The following ACOX2 variants were observed in gnomAD, a reference collection of about 807,000 sequenced individuals.
The protein encoded by ACOX2 is peroxisomal acyl-coenzyme A oxidase 2.
A neutral mutation model predicts 77.5 loss-of-function variants in ACOX2; 59 were observed. The observed-to-expected ratio is 0.76, with a 90% CI of 0.62 to 0.95. The LOEUF is 0.95. Among genes scored for constraint, ACOX2 ranks in the 40% least tolerant of loss-of-function variants. The probability of loss-of-function intolerance (pLI) is 0.00; values close to 1 mark genes in which losing one functional copy is unlikely to be tolerated. For synonymous variants in ACOX2, 317 were observed against 340.1 expected (o/e 0.93, Z 0.75); for missense variants, 837 against 880.4 (o/e 0.95, Z 0.62).
intron 13 of ACOX2, 107 bp from the exon 14 acceptor site, chr3:58,509,132 G>A (rs2063256905): frequency 6.7e-6 from 9 of 1,334,462 alleles, no homozygotes; most frequent in South Asian, 5.4e-5. Flanking sequence ...ATGATTATTC[G>A]CTTTTCAAAC....
Position 58,534,317 on chromosome 3 carries a change from C to A in ACOX2, c.323+43G>T. On this transcript the variant is annotated intron_variant, in intron 3 of 14. Transcript: ENST00000302819. The surrounding 1 kb of genome is among the most constrained non-coding windows in gnomAD (Gnocchi z 4.8). ...GGGCTAGGGGGTTTCCAGGTGATCCCAGGTAGATCCCTCTCTAGTGGGGCT... is the reference window on the plus strand; with the variant it reads ...GGGCTAGGGGGTTTCCAGGTGATCCAAGGTAGATCCCTCTCTAGTGGGGCT... The A allele has an allele frequency of 6.2e-7, 1 of 1,609,376 alleles. No individual in the cohort carries two copies. The highest frequency in any genetic ancestry group is 1.1e-5 in the South Asian group (1 of 90,516).
In ACOX2 at chr3:58,526,622, A is replaced by G. The variant is rs1167172630; in HGVS notation, c.1190T>C (p.Met397Thr). ...AGCTCCCTGGGTGCAGAATTCTGAC[A>G]TCATGGCCTTCATGCCCGTGCTCAG... ...HALSTGMKAM[M>T]SEFCTQGAEM... Residue 397 changes from methionine (M) to threonine (T), a missense_variant, in exon 10 of 15, where the codon ATG becomes ACG. Transcript: ENST00000302819. This position sits in a 1 kb window ranked among gnomAD's most constrained non-coding sequence, Gnocchi z 4.3. The G allele has an allele frequency of 6.2e-7, 1 of 1,614,068 alleles. No individual in the cohort carries two copies. The highest frequency in any genetic ancestry group is 1.3e-5 in the African/African-American group (1 of 74,938).
Position 58,531,353 on chromosome 3 carries a change from C to T in ACOX2, c.717G>A (p.Gly239=), listed in dbSNP as rs2063438044. 1 of 1,613,776 alleles carries T rather than the reference C, an allele frequency of 6.2e-7. No individual in the cohort carries two copies. The highest frequency in any genetic ancestry group is 8.5e-7 in the Non-Finnish European group (1 of 1,179,786). Reference sequence around the variant, plus strand: ...CAAAGTCCATCTTGGGTCCGATGTCCCCAATGATGATTCCTTGAAGGAGAT... The same window carrying T: ...CAAAGTCCATCTTGGGTCCGATGTCTCCAATGATGATTCCTTGAAGGAGAT... ...DHTPLPGIII[G]DIGPKMDFDQ... Residue 239 remains glycine, a synonymous_variant, in exon 7 of 15, where the codon GGG becomes GGA. Coordinates refer to ENST00000302819, the MANE Select transcript of ACOX2 (RefSeq NM_003500.4). The surrounding 1 kb of genome is among the most constrained non-coding windows in gnomAD (Gnocchi z 5.8).
rs749435211 is a variant in ACOX2 at position 58,531,824 on chromosome 3, G to C, written c.584-12C>G. The C allele has an allele frequency of 6.2e-7, 1 of 1,610,756 alleles. No homozygotes were observed. ...GGCTGACCGTCCCACTGAGGGCAGAGAGAGTAGCGGCCCGTCACAGGAAGA... is the reference window on the plus strand; with the variant it reads ...GGCTGACCGTCCCACTGAGGGCAGACAGAGTAGCGGCCCGTCACAGGAAGA... On this transcript the variant is annotated splice_polypyrimidine_tract_variant and intron_variant, in intron 5 of 14. Coordinates refer to ENST00000302819, the MANE Select transcript of ACOX2 (RefSeq NM_003500.4). This position sits in a 1 kb window ranked among gnomAD's most constrained non-coding sequence, Gnocchi z 5.8.
At chr3:58,530,349 G>A in intron 8 of ACOX2, 117 bp downstream of exon 8, 1 of 1,381,656 alleles carries the variant, frequency 7.2e-7, no homozygotes, top group East Asian at 2.3e-5. Flanking sequence ...TGTATGTGGT[G>A]GGGGGCATTG....
Position 58,534,760 on chromosome 3 carries a change from C to T in ACOX2, c.160+187G>A, listed in dbSNP as rs940928808. ...TTCTGCTGCCTAGGACTCTTCTATC[C>T]CCTAGGTGGGCTCAGGCAATATTGA... On this transcript the variant is annotated intron_variant, in intron 2 of 14. Coordinates refer to ENST00000302819, the MANE Select transcript of ACOX2 (RefSeq NM_003500.4). The surrounding 1 kb of genome is among the most constrained non-coding windows in gnomAD (Gnocchi z 4.8). 18 of 1,321,310 alleles carry T rather than the reference C, an allele frequency of 1.4e-5. No homozygotes were observed. The African/African-American group carries it at 2.2e-4, about 16-fold the overall frequency. The allele number at this position is 1,321,310 out of a possible 1,614,324, so 81.8% of individuals were successfully genotyped here. A position where few individuals can be genotyped will look rare whatever the true frequency, so the allele number is the denominator to read the frequency against.
chr3:58,528,972 C>A lies in ACOX2; in HGVS notation c.993-16G>T. On this transcript the variant is annotated splice_polypyrimidine_tract_variant and intron_variant, in intron 8 of 14. Coordinates refer to ENST00000302819, the MANE Select transcript of ACOX2 (RefSeq NM_003500.4). The surrounding 1 kb of genome is among the most constrained non-coding windows in gnomAD (Gnocchi z 5.6). Reference sequence around the variant, plus strand: ...CTCTGGGTCACTGAAGGGAAAAGAACCAGAAGATTTAGATCACTACCTGTT... The same window carrying A: ...CTCTGGGTCACTGAAGGGAAAAGAAACAGAAGATTTAGATCACTACCTGTT... The A allele has an allele frequency of 1.3e-6, 2 of 1,599,874 alleles. No homozygotes were observed. The highest frequency in any genetic ancestry group is 8.5e-7 in the Non-Finnish European group (1 of 1,172,602).
At position 58,515,825 on chromosome 3, in the gene ACOX2, T is replaced by C. The variant is rs564151471; in HGVS notation, c.1850+1381A>G. On this transcript the variant is annotated intron_variant, in intron 13 of 14. Transcript: ENST00000302819. The surrounding 1 kb of genome is among the most constrained non-coding windows in gnomAD (Gnocchi z 4.0). Reference sequence around the variant, plus strand: ...CAAGGTCTCACTTTGTTGCCCAGGCTGGAGTGCAGTGGTGTGATCATAGCT... The same window carrying C: ...CAAGGTCTCACTTTGTTGCCCAGGCCGGAGTGCAGTGGTGTGATCATAGCT... Among the ~76,000 whole-genome samples the C allele has an allele frequency of 3.3e-5, 5 of 152,170 alleles. No individual in the cohort carries two copies. The highest frequency in any genetic ancestry group is 7.3e-5 in the Non-Finnish European group (5 of 68,028).
chr3:58,535,108 C>T lies in ACOX2; in HGVS notation c.-2G>A, dbSNP rs2063472176. 1 of 1,614,202 alleles carries T rather than the reference C, an allele frequency of 6.2e-7. No individual in the cohort carries two copies. Among genetic ancestry groups the T allele is most frequent in the South Asian group, 1.1e-5 (1 of 91,080 alleles). On this transcript the variant is annotated 5_prime_UTR_variant, in exon 2 of 15. Coordinates refer to ENST00000302819, the MANE Select transcript of ACOX2 (RefSeq NM_003500.4). The surrounding 1 kb of genome is among the most constrained non-coding windows in gnomAD (Gnocchi z 4.8). The stretch of plus-strand genomic sequence containing the variant: ...CACTCGGTGCACTGGGCTGCCCATC[C>T]TATCCTGGATCTGTCTGGTGACTAT...
chr3:58,531,492 T>G lies in ACOX2; in HGVS notation c.704-126A>C, dbSNP rs2063439172. 1 of 1,228,940 alleles carries G rather than the reference T, an allele frequency of 8.1e-7. No individual in the cohort carries two copies. The highest frequency in any genetic ancestry group is 1.5e-5 in the African/African-American group (1 of 66,278). The allele number at this position is 1,228,940 out of a possible 1,614,324, so 76.1% of individuals were successfully genotyped here. ...GGGATTATTGTACCTATTTTGCAGG[T>G]GAACAAGCTGAGGTCAGAAAGATGC... On this transcript the variant is annotated intron_variant, in intron 6 of 14. Coordinates refer to ENST00000302819, the MANE Select transcript of ACOX2 (RefSeq NM_003500.4). The surrounding 1 kb of genome is among the most constrained non-coding windows in gnomAD (Gnocchi z 5.8).
In ACOX2 at chr3:58,515,286, G is replaced by C. The variant is rs967955437; in HGVS notation, c.1850+1920C>G. ...TCCACCCACCTTGGCCTCCCAAAGT[G>C]CTGGGATTGCAGGTATTAGCCACCG... is the stretch of plus-strand genomic sequence containing the variant. On this transcript the variant is annotated intron_variant, in intron 13 of 14. Coordinates refer to ENST00000302819, the MANE Select transcript of ACOX2 (RefSeq NM_003500.4). This position sits in a 1 kb window ranked among gnomAD's most constrained non-coding sequence, Gnocchi z 4.0. 6.6e-6 allele frequency among the ~76,000 whole-genome samples: 1 copy of C among 152,194 alleles called. No homozygotes were observed. The highest frequency in any genetic ancestry group is 1.5e-5 in the Non-Finnish European group (1 of 68,048).
intron 13 of ACOX2, among the ~76,000 whole-genome samples, chr3:58,510,050 CCT>C (rs2063266907): frequency 6.6e-6 from 1 of 152,062 alleles, no homozygotes; most frequent in South Asian, 2.1e-4. Context: ...TTTATCACCC[CCT>C]CTCTTCACTC....
At chr3:58,509,159 TTA>T (rs1326957478) in intron 13 of ACOX2, 134 bp from the exon 14 acceptor site, 1 of 1,089,054 alleles carries the variant, frequency 9.2e-7, no homozygotes, top group Non-Finnish European at 1.3e-6. Context: ...GCATTTTTTT[TTA>T]GTTTTTATTT....
chr3:58,536,707 C>T (rs1553858172), intron 1 of ACOX2, among the ~76,000 whole-genome samples: 1 of 152,154 alleles, frequency 6.6e-6, no homozygotes, highest in Non-Finnish European at 1.5e-5. Flanking sequence ...GCCCAGAACA[C>T]CCTTTCTTCA....
rs1212286372 is a variant in ACOX2 at position 58,522,929 on chromosome 3, T to C, written c.1527-328A>G. On this transcript the variant is annotated intron_variant, in intron 11 of 14. Coordinates refer to ENST00000302819, the MANE Select transcript of ACOX2 (RefSeq NM_003500.4). This position sits in a 1 kb window ranked among gnomAD's most constrained non-coding sequence, Gnocchi z 4.3. ...CACAGGCCAGGAGCTGTCCCCTATT[T>C]CTAATGCAGATTCCAGCCTCACACC... is the stretch of plus-strand genomic sequence containing the variant. 1 of 283,686 alleles carries C rather than the reference T, an allele frequency of 3.5e-6. No homozygotes were observed. Among genetic ancestry groups the C allele is most frequent in the African/African-American group, 2.2e-5 (1 of 46,312 alleles). 17.6% of individuals were successfully genotyped at this position (283,686 alleles called of 1,614,324 possible).
chr3:58,517,499 T>G, intron 12 of ACOX2, 76 bp from the exon 13 acceptor site: 2 of 1,433,900 alleles, frequency 1.4e-6, no homozygotes, highest in Non-Finnish European at 1.9e-6. Flanking sequence ...CATGGCAAGA[T>G]GGCTGGAATA....
rs1423778416 is a variant in ACOX2 at position 58,515,107 on chromosome 3, T to C, written c.1850+2099A>G. On this transcript the variant is annotated intron_variant, in intron 13 of 14. Coordinates refer to ENST00000302819, the MANE Select transcript of ACOX2 (RefSeq NM_003500.4). The surrounding 1 kb of genome is among the most constrained non-coding windows in gnomAD (Gnocchi z 4.0). ...GGTACGATCTTGGCTCACGGCAGCC[T>C]CTGCCTCCCGGGTTCAAGCGATTCT... Among the ~76,000 whole-genome samples, 1 of 152,190 alleles carries C rather than the reference T, an allele frequency of 6.6e-6. No homozygotes were observed. Among genetic ancestry groups the C allele is most frequent in the Non-Finnish European group, 1.5e-5 (1 of 68,026 alleles).
At position 58,530,602 on chromosome 3, in the gene ACOX2, C is replaced by T. The variant is rs758272762; in HGVS notation, c.856G>A (p.Ala286Thr). ...PDGTYVKLGTAQSNYLPMVVV... is the reference protein window; with the variant it reads ...PDGTYVKLGTTQSNYLPMVVV... ...ACCATGGGAAGGTAGTTGCTCTGTG[C>T]TGTACCGAGTTTGACGTAGGTGCCA... Residue 286 changes from alanine (A) to threonine (T), a missense_variant, in exon 8 of 15, where the codon GCA becomes ACA. By Grantham distance (58) the Ala-to-Thr change is moderately conservative. Transcript: ENST00000302819. The T allele has an allele frequency of 6.2e-7, 1 of 1,614,214 alleles. No individual in the cohort carries two copies. The highest frequency in any genetic ancestry group is 1.1e-5 in the South Asian group (1 of 91,086).
At chr3:58,508,426 G>T (rs535318303) in intron 14 of ACOX2, among the ~76,000 whole-genome samples, 1 of 152,158 alleles carries the variant, frequency 6.6e-6, no homozygotes, top group Non-Finnish European at 1.5e-5. Context: ...ATCATCTCTA[G>T]CAGGCAATCA....
Sources: gnomAD v4.1 joint callset for allele counts (sites outside exome capture counted in the v4.1 genomes callset) on GRCh38, gnomAD v4.1.1 for gene constraint, Gnocchi (gnomAD v3.1) non-coding constraint, MANE v1.5 for transcripts, NCBI Gene and HGNC (gene_info 2026-07-23, HGNC 2026-07-21) for gene names.